Variants in SLC45A2 observed in about 807,000 individuals in gnomAD.
SLC45A2 encodes membrane-associated transporter protein.
Under a neutral mutation model 45.5 loss-of-function variants are expected in SLC45A2, and 36 were observed. That is an observed-to-expected ratio of 0.79 (90% confidence interval 0.61 to 1.04). The LOEUF is 1.04. SLC45A2 is among the 50% of genes least tolerant of loss of function. SLC45A2 has a pLI of 0.00. For synonymous variants in SLC45A2, 306 were observed against 269.3 expected, an observed-to-expected ratio of 1.14 and a Z score of -1.33; for missense variants, 719 against 671.0, an observed-to-expected ratio of 1.07 and a Z score of -0.79.
At chr5:33,964,914 G>T (rs750403344) in intron 2 of SLC45A2, among the ~76,000 whole-genome samples, 1 of 152,206 alleles carries the variant, frequency 6.6e-6, no homozygotes, top group Non-Finnish European at 1.5e-5. Context: ...GCAGACATCA[G>T]TGACTTCTGA....
chr5:33,964,421 C>T (rs1012956784), intron 2 of SLC45A2, among the ~76,000 whole-genome samples: 23 of 152,120 alleles, frequency 1.5e-4, no homozygotes, highest in African/African-American at 4.6e-4. Context: ...AAATTTCTGA[C>T]CAGAAAAAGC....
At chr5:33,972,595 G>A (rs1010370869) in intron 2 of SLC45A2, 9 of 163,220 alleles carry the variant, frequency 5.5e-5, no homozygotes, top group East Asian at 1.8e-4. Flanking sequence ...ATTCTAAGAC[G>A]CTAGAGCTTA....
Position 33,984,626 on chromosome 5 carries a change from G to A in SLC45A2, c.-43C>T. On this transcript the variant is annotated 5_prime_UTR_variant, in exon 1 of 7. Transcript: ENST00000296589. ...CCTTCCTGCGAGCCCACCACCTCCT[G>A]CGTGGTCCTAGGGTCTGTGTTTCAA... 1 of 1,602,196 alleles carries A rather than the reference G, an allele frequency of 6.2e-7. No individual in the cohort carries two copies.
intron 3 of SLC45A2, among the ~76,000 whole-genome samples, chr5:33,958,659 G>A (rs1044255910): frequency 6.6e-6 from 1 of 152,116 alleles, no homozygotes; most frequent in Non-Finnish European, 1.5e-5. Context: ...TGGGATTACA[G>A]GAATGAGCCA....
At position 33,967,523 on chromosome 5, in the gene SLC45A2, C is replaced by T. The variant is rs377412048; in HGVS notation, c.563-3507G>A. On this transcript the variant is annotated intron_variant, in intron 2 of 6. Coordinates refer to ENST00000296589, the MANE Select transcript of SLC45A2 (RefSeq NM_016180.5). ...ATCACTCTTTTGAGTGGCCAGGTGA[C>T]AGCAGTTTCTAACTAACTTCCTTTC... Among the ~76,000 whole-genome samples, 20 of 152,260 alleles carry T rather than the reference C, an allele frequency of 1.3e-4. No individual in the cohort carries two copies. In the East Asian group the frequency reaches 2.7e-3, roughly 21 times the overall value.
intron 2 of SLC45A2, chr5:33,971,382 G>A: frequency 2.1e-6 from 1 of 481,236 alleles, no homozygotes. Flanking sequence ...ACCATAAACA[G>A]GAAAAACACT....
Position 33,963,959 on chromosome 5 carries a change from A to G in SLC45A2, c.620T>C (p.Leu207Pro). 1 of 1,614,170 alleles carries G rather than the reference A, an allele frequency of 6.2e-7. No homozygotes were observed. Among genetic ancestry groups the G allele is most frequent in the Non-Finnish European group, 8.5e-7 (1 of 1,179,990 alleles). The stretch of plus-strand genomic sequence containing the variant: ...GAATTCTGTACCCAACAGTCTTCCC[A>G]GCTCCAGATGGGCCCAGTCTATAGC... ...LGAIDWAHLE[L>P]GRLLGTEFQV... Residue 207 changes from leucine (L) to proline (P), a missense_variant, in exon 3 of 7, where the codon CTG becomes CCG. Leu to Pro is a moderately conservative substitution (Grantham distance 98, BLOSUM62 -3). Transcript: ENST00000296589.
intron 6 of SLC45A2, 113 bp downstream of exon 6, chr5:33,947,050 C>T: frequency 1.2e-6 from 2 of 1,609,756 alleles, no homozygotes; most frequent in Admixed American, 3.3e-5. Context: ...TTGACTGTTG[C>T]TGTTTCAAGA....
intron 5 of SLC45A2, chr5:33,951,318 A>G: frequency 8.8e-7 from 1 of 1,133,038 alleles, no homozygotes; most frequent in Non-Finnish European, 1.2e-6. Context: ...AAACTTGATC[A>G]GGAACCCACT....
intron 3 of SLC45A2, among the ~76,000 whole-genome samples, chr5:33,954,799 T>C (rs1752228209): frequency 6.6e-6 from 1 of 152,154 alleles, no homozygotes; most frequent in Non-Finnish European, 1.5e-5. Flanking sequence ...GCATCCTATG[T>C]CTGAATGACA....
intron 4 of SLC45A2, among the ~76,000 whole-genome samples, chr5:33,952,759 T>C (rs1339944184): frequency 1.4e-5 from 2 of 141,806 alleles, no homozygotes; most frequent in African/African-American, 5.3e-5. Context: ...TAGTTACATA[T>C]GTATACATGT....
intron 2 of SLC45A2, among the ~76,000 whole-genome samples, chr5:33,969,065 C>CTCTCTCTCTCTCTCTCTCTCTGTG: frequency 0.01 from 1,057 of 102,358 alleles, 18 homozygotes; most frequent in African/African-American, 0.017. Flanking sequence ...CTCTCTCTCT[C>CTCTCTCTCTCTCTCTCTCTCTGTG]TGTGTGTGTG....
chr5:33,966,862 TG>T (rs1041546202), intron 2 of SLC45A2, among the ~76,000 whole-genome samples: 2 of 152,204 alleles, frequency 1.3e-5, no homozygotes, highest in African/African-American at 4.8e-5. Flanking sequence ...GACTCTGTGA[TG>T]GAAGACCACA....
chr5:33,946,811 T>TG, intron 6 of SLC45A2: 2 of 1,235,538 alleles, frequency 1.6e-6, no homozygotes, highest in South Asian at 3.9e-5. Context: ...GGGAGACCTA[T>TG]GAGGTGGTTA....
At chr5:33,960,915 A>G (rs1752436018) in intron 3 of SLC45A2, among the ~76,000 whole-genome samples, 1 of 152,220 alleles carries the variant, frequency 6.6e-6, no homozygotes, top group African/African-American at 2.4e-5. Flanking sequence ...AAGCTGGTGA[A>G]GCATACATAG....
intron 3 of SLC45A2, among the ~76,000 whole-genome samples, chr5:33,956,958 G>A (rs1027385934): frequency 6.6e-6 from 1 of 151,702 alleles, no homozygotes; most frequent in Non-Finnish European, 1.5e-5. Context: ...TTAACTTTAG[G>A]AAGGCCCATC....
At chr5:33,955,604 GAAGT>G (rs916291859) in intron 3 of SLC45A2, among the ~76,000 whole-genome samples, 17 of 152,064 alleles carry the variant, frequency 1.1e-4, no homozygotes, top group African/African-American at 3.1e-4. Flanking sequence ...CATTGAGTTA[GAAGT>G]AAGAACAATG....
Position 33,984,503 on chromosome 5 carries a change from C to A in SLC45A2, c.81G>T (p.Pro27=). 1 of 1,613,064 alleles carries A rather than the reference C, an allele frequency of 6.2e-7. No homozygotes were observed. The highest frequency in any genetic ancestry group is 8.5e-7 in the Non-Finnish European group (1 of 1,180,012). The change falls in exon 1 of 7, where the codon CCG becomes CCT. Residue 27 remains proline (P), a synonymous_variant. Coordinates refer to ENST00000296589, the MANE Select transcript of SLC45A2 (RefSeq NM_016180.5). ...TGAGTCTGCTGGTGGGTCTTTTAGG[C>A]GGCTCCACAGAGTCAAAGGGGCCAT... The part of the protein sequence containing the change: ...ADDGPFDSVE[P]PKRPTSRLIM...
Position 33,982,419 on chromosome 5 carries a change from G to C in SLC45A2, c.386-7C>G, listed in dbSNP as rs769827040. ...CTTGGGTTAGCAATCAAAGCTAAAAGAAAAATAAACATTGGTCTCCTAAAT... is the reference window on the plus strand; with the variant it reads ...CTTGGGTTAGCAATCAAAGCTAAAACAAAAATAAACATTGGTCTCCTAAAT... On this transcript the variant is annotated splice_region_variant and splice_polypyrimidine_tract_variant and intron_variant, in intron 1 of 6. Coordinates refer to ENST00000296589, the MANE Select transcript of SLC45A2 (RefSeq NM_016180.5). 21 of 1,613,488 alleles carry C rather than the reference G, an allele frequency of 1.3e-5. No individual in the cohort carries two copies. Among genetic ancestry groups the C allele is most frequent in the Middle Eastern group, 3.3e-4 (2 of 6,082 alleles).
Sources: gnomAD v4.1 joint callset for allele counts (sites outside exome capture counted in the v4.1 genomes callset) on GRCh38, gnomAD v4.1.1 for gene constraint, MANE v1.5 for transcripts, NCBI Gene and HGNC (gene_info 2026-07-23, HGNC 2026-07-21) for gene names.